RASSF3: variants seen among roughly 807,000 people sequenced by gnomAD.
RASSF3 encodes the protein Ras association domain family member 3, also known as ras association domain-containing protein 3.
A neutral mutation model predicts 19.9 loss-of-function variants in RASSF3; 19 were observed. That is an observed-to-expected ratio of 0.96 (90% CI 0.67 to 1.40). The LOEUF (loss-of-function observed/expected upper bound fraction) is 1.40, where lower values mean the gene tolerates loss of function less well. Ranked by LOEUF, RASSF3 falls within the 40% of genes most tolerant of loss-of-function variation. The probability of loss-of-function intolerance (pLI) is 0.00; values close to 1 mark genes in which losing one functional copy is unlikely to be tolerated. For missense variants in RASSF3, 306 were observed against 289.8 expected (o/e 1.06, Z -0.41); for synonymous variants, 110 against 104.2 (o/e 1.06, Z -0.34).
chr12:64,654,984 A>C (rs1384907287), intron 1 of RASSF3: 1 of 152,222 alleles, frequency 6.6e-6, no homozygotes, highest in African/African-American at 2.4e-5. Context: ...TGTTCCTTGC[A>C]TGTATGCTGT....
intron 1 of RASSF3, among the ~76,000 whole-genome samples, chr12:64,656,647 G>A (rs894498122): frequency 1.3e-5 from 2 of 152,156 alleles, no homozygotes; most frequent in African/African-American, 4.8e-5. Context: ...GTTTACACAA[G>A]CCTGAGTCTA....
intron 1 of RASSF3, among the ~76,000 whole-genome samples, chr12:64,647,879 C>T (rs752621507): frequency 2.6e-5 from 4 of 152,072 alleles, no homozygotes; most frequent in Non-Finnish European, 5.9e-5. Context: ...CCCTTTGAGG[C>T]TTATAAAATA....
chr12:64,668,708 G>A (rs1872603885), intron 1 of RASSF3, among the ~76,000 whole-genome samples: 1 of 141,298 alleles, frequency 7.1e-6, no homozygotes, highest in African/African-American at 2.6e-5. Flanking sequence ...TTGAAACGGA[G>A]TCTCACTCTG....
At chr12:64,616,826 C>G (rs1213298552) in intron 1 of RASSF3, among the ~76,000 whole-genome samples, 1 of 152,210 alleles carries the variant, frequency 6.6e-6, no homozygotes, top group Non-Finnish European at 1.5e-5. Context: ...AGGACTCCAA[C>G]AATATTAGCC....
At chr12:64,575,135 TC>T (rs1438389766) in intron 2 of RASSF3, among the ~76,000 whole-genome samples, 5 of 152,180 alleles carry the variant, frequency 3.3e-5, no homozygotes, top group Non-Finnish European at 7.3e-5. Flanking sequence ...ACATAGCAAA[TC>T]CTAAAGAACC....
At chr12:64,689,620 T>C (rs1021239328) in intron 3 of RASSF3, among the ~76,000 whole-genome samples, 1 of 152,152 alleles carries the variant, frequency 6.6e-6, no homozygotes, top group Non-Finnish European at 1.5e-5. Context: ...CTGTACAATC[T>C]GAAAGTAATC....
chr12:64,681,316 C>T (rs1873117916), intron 1 of RASSF3, among the ~76,000 whole-genome samples: 1 of 152,192 alleles, frequency 6.6e-6, no homozygotes, highest in Non-Finnish European at 1.5e-5. Flanking sequence ...CTTGTGAAAG[C>T]ACCTCCACAT....
chr12:64,561,494 G>T (rs551913627), intron 2 of RASSF3, among the ~76,000 whole-genome samples: 1 of 151,982 alleles, frequency 6.6e-6, no homozygotes, highest in Admixed American at 6.6e-5. Context: ...AAACAAAATT[G>T]CTCCCCCACC....
Position 64,697,321 on chromosome 12 carries a change from T to C in RASSF3, c.*2409T>C, listed in dbSNP as rs751452424. ...GATTTTTTAAGAATCATTGTACAAA[T>C]CATTATGTTAAACTATCTAAGCTTT... On this transcript the variant is annotated 3_prime_UTR_variant, in exon 5 of 5. Transcript: ENST00000542104. 27 of 152,154 alleles carry C rather than the reference T, an allele frequency of 1.8e-4. No individual in the cohort carries two copies. Among genetic ancestry groups the C allele is most frequent in the Non-Finnish European group, 3.4e-4 (23 of 68,034 alleles). The allele number at this position is 152,154 out of a possible 1,614,324, so 9.4% of individuals were successfully genotyped here. A position where few individuals can be genotyped will look rare whatever the true frequency, so the allele number is the denominator to read the frequency against.
intron 2 of RASSF3, among the ~76,000 whole-genome samples, chr12:64,591,780 T>C (rs1461017909): frequency 6.6e-6 from 1 of 152,214 alleles, no homozygotes; most frequent in African/African-American, 2.4e-5. Context: ...TAAACATTCA[T>C]AGAATTTCAA....
chr12:64,605,435 A>C lies in RASSF3; in HGVS notation c.294+63730A>C, dbSNP rs537094260. ...AGGGGAACAACTTAGCAATCATTTA[A>C]AAACTCTTACTTCTTTTTCTATCTG... On this transcript the variant is annotated intron_variant, in intron 2 of 5. Transcript: ENST00000637125. Among the ~76,000 whole-genome samples the C allele has an allele frequency of 2.0e-5, 3 of 152,304 alleles. No individual in the cohort carries two copies. In the East Asian group the frequency reaches 5.8e-4, roughly 29 times the overall value.
intron 2 of RASSF3, among the ~76,000 whole-genome samples, chr12:64,547,873 G>A (rs1340459434): frequency 6.6e-6 from 1 of 152,044 alleles, no homozygotes; most frequent in Non-Finnish European, 1.5e-5. Context: ...ATGTAAAAAG[G>A]TTAAGAAAAA....
intron 1 of RASSF3, among the ~76,000 whole-genome samples, chr12:64,681,821 T>A (rs1482019678): frequency 6.6e-6 from 1 of 152,140 alleles, no homozygotes; most frequent in Admixed American, 6.6e-5. Context: ...GAGAGCAGCC[T>A]GGGCAACATA....
chr12:64,610,730 G>C lies in RASSF3; in HGVS notation c.98G>C (p.Arg33Pro). The change falls in exon 1 of 5, where the codon CGC becomes CCC. Residue 33 changes from arginine (R) to proline (P), a missense_variant. Physicochemically the swap from Arg to Pro is moderately radical, Grantham distance 103. Coordinates refer to ENST00000542104, the MANE Select transcript of RASSF3 (RefSeq NM_178169.4). ...FFRRAPQGKP[R>P]SGQQDVEKEK... ...AGGAGAGCGCCCCAGGGCAAGCCCCGCTCCGGCCAACAAGTGAGTGGCGCG... is the reference window on the plus strand; with the variant it reads ...AGGAGAGCGCCCCAGGGCAAGCCCCCCTCCGGCCAACAAGTGAGTGGCGCG... 1 of 1,587,766 alleles carries C rather than the reference G, an allele frequency of 6.3e-7. No homozygotes were observed. The highest frequency in any genetic ancestry group is 8.6e-7 in the Non-Finnish European group (1 of 1,168,644).
At chr12:64,620,037 TA>T (rs1870696718) in intron 1 of RASSF3, among the ~76,000 whole-genome samples, 1 of 148,756 alleles carries the variant, frequency 6.7e-6, no homozygotes, top group Non-Finnish European at 1.5e-5. Context: ...TGTGTGTGTG[TA>T]GTTTTCTGAA....
intron 2 of RASSF3, among the ~76,000 whole-genome samples, chr12:64,553,197 G>A (rs1869195283): frequency 6.6e-6 from 1 of 152,196 alleles, no homozygotes; most frequent in Admixed American, 6.5e-5. Flanking sequence ...CAACTTTAGA[G>A]GTCTGCAAGT....
At chr12:64,634,462 C>A (rs1231356582) in intron 1 of RASSF3, among the ~76,000 whole-genome samples, 2 of 152,054 alleles carry the variant, frequency 1.3e-5, no homozygotes, top group Non-Finnish European at 2.9e-5. Flanking sequence ...CTGCACCCGG[C>A]ACTTCTTGAA....
chr12:64,509,379 G>A (rs576421838), intron 1 of RASSF3, among the ~76,000 whole-genome samples: 2 of 152,202 alleles, frequency 1.3e-5, no homozygotes, highest in Admixed American at 6.5e-5. Context: ...GAGCCCAGGA[G>A]GTGGAGGTTG....
intron 1 of RASSF3, among the ~76,000 whole-genome samples, chr12:64,677,250 G>A (rs1872941734): frequency 1.3e-5 from 2 of 152,286 alleles, no homozygotes; most frequent in Middle Eastern, 6.8e-3. Flanking sequence ...GCTCCTGGCT[G>A]CTCTGATGGA....
Sources: gnomAD v4.1 joint callset for allele counts (sites outside exome capture counted in the v4.1 genomes callset) on GRCh38, gnomAD v4.1.1 for gene constraint, MANE v1.5 for transcripts, NCBI Gene and HGNC (gene_info 2026-07-23, HGNC 2026-07-21) for gene names.